Variants in LINGO2 observed in about 807,000 individuals in gnomAD.
LINGO2 encodes leucine rich repeat and Ig domain containing 2.
Under a neutral mutation model 30.6 loss-of-function variants are expected in LINGO2, and 14 were observed. The ratio of observed to expected loss-of-function variants is 0.46; its 90% CI spans 0.30 to 0.72. The LOEUF is 0.72. Ranked by LOEUF, LINGO2 falls within the 30% of genes least tolerant of loss-of-function variation. The probability of loss-of-function intolerance (pLI) is 0.07; values close to 1 mark genes in which losing one functional copy is unlikely to be tolerated. For synonymous variants in LINGO2, 317 were observed against 288.5 expected (o/e 1.10, Z -1.00); for missense variants, 729 against 751.7 (o/e 0.97, Z 0.35).
At chr9:28,255,269 T>C (rs12339813) in intron 4 of LINGO2, among the ~76,000 whole-genome samples, 6,029 of 152,056 alleles carry the variant, frequency 0.04, 386 homozygotes, top group African/African-American at 0.14. Flanking sequence ...TATTTCTAGG[T>C]GTATAGTAAC....
the LINGO2 span, among the ~76,000 whole-genome samples, chr9:29,140,885 A>G: frequency 6.6e-6 from 1 of 152,060 alleles, no homozygotes; most frequent in Non-Finnish European, 1.5e-5. Flanking sequence ...TCAAAGTACT[A>G]GAAGAAAAAA....
chr9:28,999,983 T>A, the LINGO2 span, among the ~76,000 whole-genome samples: 5 of 151,970 alleles, frequency 3.3e-5, no homozygotes, highest in African/African-American at 7.2e-5. Context: ...CTCTCAAAAT[T>A]CTTCCCTAAC....
At chr9:28,437,246 G>A (rs527692889) in intron 2 of LINGO2, among the ~76,000 whole-genome samples, 9 of 152,224 alleles carry the variant, frequency 5.9e-5, no homozygotes, top group East Asian at 3.9e-4. Context: ...TCCTAGAGCT[G>A]GGACACTCTT....
chr9:29,148,858 C>A, the LINGO2 span, among the ~76,000 whole-genome samples: 1 of 152,138 alleles, frequency 6.6e-6, no homozygotes, highest in African/African-American at 2.4e-5. Flanking sequence ...AAAGTATTCA[C>A]ATACCAAATA....
chr9:28,917,460 T>C, the LINGO2 span, among the ~76,000 whole-genome samples: 1,979 of 152,110 alleles, frequency 0.013, 22 homozygotes, highest in Middle Eastern at 0.027. Context: ...GGTTTTTTTT[T>C]CTTTTTGGTG....
At chr9:28,176,825 T>C (rs913855583) in intron 4 of LINGO2, among the ~76,000 whole-genome samples, 1 of 152,210 alleles carries the variant, frequency 6.6e-6, no homozygotes, top group South Asian at 2.1e-4. Flanking sequence ...ACGTGTAGTG[T>C]ACTTAACTTG....
At chr9:28,344,078 A>T (rs1290497631) in intron 3 of LINGO2, among the ~76,000 whole-genome samples, 1 of 152,282 alleles carries the variant, frequency 6.6e-6, no homozygotes, top group Non-Finnish European at 1.5e-5. Flanking sequence ...CCTCTAGGCT[A>T]TCAACAAAAG....
the LINGO2 span, among the ~76,000 whole-genome samples, chr9:29,186,115 T>C: frequency 6.6e-6 from 1 of 152,184 alleles, no homozygotes; most frequent in Admixed American, 6.5e-5. Flanking sequence ...CATTCCAATT[T>C]TCTCATTTAT....
At chr9:28,268,097 AAC>A (rs1822817607) in intron 4 of LINGO2, among the ~76,000 whole-genome samples, 2 of 151,972 alleles carry the variant, frequency 1.3e-5, no homozygotes, top group Admixed American at 1.3e-4. Context: ...CACACACACA[AAC>A]ACATAATTCT....
rs374487836 is a variant in LINGO2, at chr9:28,579,512, T to C, written c.-365+90688A>G. ...TATAAAAGTCAAATTTGAGCAGTGA[T>C]GGAAGTAGGGTGGAAGTACAATTTA... On this transcript the variant is annotated intron_variant, in intron 1 of 5. Transcript: ENST00000379992. Among the ~76,000 whole-genome samples, 13 of 152,102 alleles carry C rather than the reference T, an allele frequency of 8.5e-5. No homozygotes were observed. The East Asian group carries it at 2.1e-3, about 25-fold the overall frequency.
chr9:28,552,946 G>A (rs1822388331), intron 1 of LINGO2, among the ~76,000 whole-genome samples: 1 of 151,002 alleles, frequency 6.6e-6, no homozygotes, highest in East Asian at 1.9e-4. Context: ...ACATCTTTGA[G>A]GATATTAATC....
At chr9:28,779,923 T>C in the LINGO2 span, among the ~76,000 whole-genome samples, 1 of 152,112 alleles carries the variant, frequency 6.6e-6, no homozygotes, top group Admixed American at 6.5e-5. Context: ...TCTGATGCAC[T>C]TGTATATATA....
chr9:28,721,826 A>T, the LINGO2 span, among the ~76,000 whole-genome samples: 1 of 152,112 alleles, frequency 6.6e-6, no homozygotes, highest in South Asian at 2.1e-4. Context: ...TAAAATAAAA[A>T]AAAAAAATTA....
chr9:28,057,068 A>G (rs1029898127), intron 4 of LINGO2, among the ~76,000 whole-genome samples: 35 of 152,234 alleles, frequency 2.3e-4, no homozygotes, highest in African/African-American at 8.4e-4. Flanking sequence ...TAATGTAATG[A>G]TTGTTATTCT....
chr9:28,196,925 G>A (rs1820034938), intron 4 of LINGO2, among the ~76,000 whole-genome samples: 1 of 151,912 alleles, frequency 6.6e-6, no homozygotes, highest in Admixed American at 6.6e-5. Context: ...AGGATAAAGT[G>A]GAGATGATTA....
chr9:28,553,324 C>A (rs1351983212), intron 1 of LINGO2, among the ~76,000 whole-genome samples: 1 of 151,978 alleles, frequency 6.6e-6, no homozygotes, highest in Non-Finnish European at 1.5e-5. Context: ...GAGCTGAAAA[C>A]CAAGGCTCGA....
intron 1 of LINGO2, among the ~76,000 whole-genome samples, chr9:28,623,907 C>T (rs1478299422): frequency 6.6e-6 from 1 of 151,946 alleles, no homozygotes; most frequent in Non-Finnish European, 1.5e-5. Context: ...AAAAATCTTT[C>T]ACTTCTTTGA....
At chr9:28,689,514 C>A in the LINGO2 span, among the ~76,000 whole-genome samples, 2 of 151,868 alleles carry the variant, frequency 1.3e-5, no homozygotes, top group Non-Finnish European at 2.9e-5. Context: ...GAGATACCAT[C>A]TCACACCAGT....
the LINGO2 span, among the ~76,000 whole-genome samples, chr9:28,781,783 T>C: frequency 1.2e-4 from 18 of 152,156 alleles, no homozygotes; most frequent in Non-Finnish European, 2.4e-4. Context: ...AAAAATCCAC[T>C]TAATTCCATG....
Sources: gnomAD v4.1 joint callset for allele counts (sites outside exome capture counted in the v4.1 genomes callset) on GRCh38, gnomAD v4.1.1 for gene constraint, MANE v1.5 for transcripts, NCBI Gene and HGNC (gene_info 2026-07-23, HGNC 2026-07-21) for gene names.